RBMS3: variants seen among roughly 807,000 people sequenced by gnomAD.
RBMS3 encodes RNA-binding motif, single-stranded-interacting protein 3.
In RBMS3, 27 loss-of-function variants were observed where a neutral mutation model predicts 66.8. The observed-to-expected ratio is 0.40, with a 90% CI of 0.30 to 0.56. RBMS3 has a LOEUF of 0.56. Among genes scored for constraint, RBMS3 ranks in the 20% least tolerant of loss-of-function variants. The pLI, the probability that RBMS3 is intolerant of heterozygous loss-of-function variation, is 0.40. For missense variants in RBMS3, 513 were observed against 549.5 expected (o/e 0.93, Z 0.66); for synonymous variants, 188 against 183.0 (o/e 1.03, Z -0.22).
At chr3:29,616,951 A>G (rs546493865) in intron 4 of RBMS3, 1 of 152,316 alleles carries the variant, frequency 6.6e-6, no homozygotes, top group South Asian at 2.1e-4. Context: ...CAGGAAGATC[A>G]GTTTCTAAAA....
At position 29,921,658 on chromosome 3, in the gene RBMS3, G is replaced by A. The variant is rs186299718; in HGVS notation, c.940-14428G>A. 1.2e-4 allele frequency among the ~76,000 whole-genome samples: 19 copies of A among 152,210 alleles called. No individual in the cohort carries two copies. The East Asian group carries it at 2.3e-3, about 19-fold the overall frequency. On this transcript the variant is annotated intron_variant, in intron 10 of 14. Transcript: ENST00000383767. ...GCTGTGATTAACAACAGGAATTACC[G>A]AAATGTAATTATAGCCAACTCTTCA...
At chr3:29,329,135 A>G (rs890574096) in intron 1 of RBMS3, among the ~76,000 whole-genome samples, 3 of 152,142 alleles carry the variant, frequency 2.0e-5, no homozygotes, top group South Asian at 2.1e-4. Context: ...TTTTAATTCC[A>G]TAACATGTAT....
At chr3:29,810,097 TTATAG>T (rs2057687220) in intron 6 of RBMS3, among the ~76,000 whole-genome samples, 1 of 152,134 alleles carries the variant, frequency 6.6e-6, no homozygotes, top group South Asian at 2.1e-4. Context: ...GCATAGTTCA[TTATAG>T]TATACGCTTT....
chr3:29,976,068 T>G (rs983321792), intron 12 of RBMS3, among the ~76,000 whole-genome samples: 1 of 151,954 alleles, frequency 6.6e-6, no homozygotes, highest in Non-Finnish European at 1.5e-5. Context: ...GTTATTTTGG[T>G]TTTTGATGAT....
At chr3:29,388,913 C>T (rs1368614056) in intron 1 of RBMS3, among the ~76,000 whole-genome samples, 1 of 152,162 alleles carries the variant, frequency 6.6e-6, no homozygotes, top group Non-Finnish European at 1.5e-5. Flanking sequence ...ACAGAAAGAG[C>T]TTGCAGACCT....
chr3:29,647,874 C>T (rs1488577929), intron 4 of RBMS3, among the ~76,000 whole-genome samples: 1 of 151,994 alleles, frequency 6.6e-6, no homozygotes, highest in Non-Finnish European at 1.5e-5. Flanking sequence ...ATGTCCTGTC[C>T]AATCTCAATT....
chr3:29,451,509 T>G (rs1167513993), intron 2 of RBMS3, among the ~76,000 whole-genome samples: 1 of 152,138 alleles, frequency 6.6e-6, no homozygotes, highest in Non-Finnish European at 1.5e-5. Flanking sequence ...AATATATAAT[T>G]AAGCAAAATT....
rs74382460 is a variant in RBMS3 at position 29,861,715 on chromosome 3, A to G, written c.638-7143A>G. ...TTGCTTGCTTAAAACACCAAATCCTATAAGCCATCTGATCATTATATCAGT... is the reference window on the plus strand; with the variant it reads ...TTGCTTGCTTAAAACACCAAATCCTGTAAGCCATCTGATCATTATATCAGT... On this transcript the variant is annotated intron_variant, in intron 6 of 14. Coordinates refer to ENST00000383767, the MANE Select transcript of RBMS3 (RefSeq NM_001003793.3). Among the ~76,000 whole-genome samples, 31 of 152,342 alleles carry G rather than the reference A, an allele frequency of 2.0e-4. No homozygotes were observed. The East Asian group carries it at 5.8e-3, about 28-fold the overall frequency.
intron 2 of RBMS3, among the ~76,000 whole-genome samples, chr3:29,437,327 T>C (rs2041438276): frequency 2.0e-5 from 3 of 152,270 alleles, no homozygotes; most frequent in Non-Finnish European, 4.4e-5. Flanking sequence ...CATTTCTGCA[T>C]AGAATTGCCA....
At chr3:29,692,907 A>C (rs971153186) in intron 4 of RBMS3, among the ~76,000 whole-genome samples, 1 of 152,178 alleles carries the variant, frequency 6.6e-6, no homozygotes, top group South Asian at 2.1e-4. Flanking sequence ...AAAAATGTAC[A>C]TTGTGCTCAT....
intron 8 of RBMS3, among the ~76,000 whole-genome samples, chr3:29,886,339 G>C (rs187238614): frequency 1.3e-5 from 2 of 151,930 alleles, no homozygotes; most frequent in Admixed American, 6.6e-5. Flanking sequence ...CCCATTTACA[G>C]ATAAGAAAAT....
chr3:29,757,489 T>C (rs573014459), intron 5 of RBMS3, among the ~76,000 whole-genome samples: 2 of 152,328 alleles, frequency 1.3e-5, no homozygotes, highest in East Asian at 3.9e-4. Context: ...CTCTCATACC[T>C]GACACAGAAC....
At chr3:29,555,193 A>G (rs1175489784) in intron 3 of RBMS3, among the ~76,000 whole-genome samples, 2 of 152,216 alleles carry the variant, frequency 1.3e-5, no homozygotes, top group Non-Finnish European at 2.9e-5. Flanking sequence ...TGAATGAATC[A>G]GAGCAGAATT....
chr3:29,886,836 G>C (rs2059883422), intron 8 of RBMS3, among the ~76,000 whole-genome samples: 1 of 151,654 alleles, frequency 6.6e-6, no homozygotes, highest in African/African-American at 2.4e-5. Context: ...GTGAGAGTTT[G>C]TTCTGGAGTG....
At chr3:29,836,194 T>C (rs1349663958) in intron 6 of RBMS3, among the ~76,000 whole-genome samples, 1 of 152,052 alleles carries the variant, frequency 6.6e-6, no homozygotes, top group Admixed American at 6.6e-5. Context: ...ATTTCAAGAA[T>C]AATTAATAGC....
chr3:29,530,035 A>C, intron 3 of RBMS3, among the ~76,000 whole-genome samples: 1 of 152,138 alleles, frequency 6.6e-6, no homozygotes, highest in East Asian at 1.9e-4. Flanking sequence ...AATATATTTC[A>C]TTGTCCTCTT....
intron 10 of RBMS3, among the ~76,000 whole-genome samples, chr3:29,934,950 A>C (rs2061227879): frequency 6.6e-6 from 1 of 152,120 alleles, no homozygotes; most frequent in Non-Finnish European, 1.5e-5. Context: ...TTGGGTGCCG[A>C]GATCTGGCCA....
intron 4 of RBMS3, among the ~76,000 whole-genome samples, chr3:29,665,665 C>G (rs1408521722): frequency 6.6e-6 from 1 of 152,240 alleles, no homozygotes; most frequent in African/African-American, 2.4e-5. Context: ...CTATAACTTA[C>G]CGAGAACTCA....
At chr3:29,338,928 C>T (rs1443284090) in intron 1 of RBMS3, among the ~76,000 whole-genome samples, 1 of 152,106 alleles carries the variant, frequency 6.6e-6, no homozygotes, top group Non-Finnish European at 1.5e-5. Flanking sequence ...TGATTCTTGG[C>T]AGGTGTTTTC....
Sources: allele counts gnomAD v4.1 joint callset (sites outside exome capture counted in the v4.1 genomes callset), GRCh38; gene constraint gnomAD v4.1.1; transcripts MANE v1.5; gene names NCBI Gene and HGNC (gene_info 2026-07-23, HGNC 2026-07-21).